Variants in SPATA7 observed in about 807,000 individuals in gnomAD.
SPATA7 encodes the protein spermatogenesis associated 7, also known as spermatogenesis-associated protein 7.
A neutral mutation model predicts 51.8 loss-of-function variants in SPATA7; 43 were observed. The observed-to-expected ratio is 0.83, with a 90% confidence interval of 0.65 to 1.07. SPATA7 has a LOEUF of 1.07. Among genes scored for constraint, SPATA7 ranks in the 50% least tolerant of loss-of-function variants. The probability of loss-of-function intolerance (pLI) is 0.00; values close to 1 mark genes in which losing one functional copy is unlikely to be tolerated. For missense variants in SPATA7, 683 were observed against 701.3 expected, an observed-to-expected ratio of 0.97 and a Z score of 0.30; for synonymous variants, 230 against 252.8, an observed-to-expected ratio of 0.91 and a Z score of 0.86.
At position 88,426,582 on chromosome 14, in the gene SPATA7, T is replaced by G; in HGVS notation, c.723T>G (p.Thr241=). 6.2e-7 allele frequency: 1 copy of G among 1,614,120 alleles called. No homozygotes were observed. The highest frequency in any genetic ancestry group is 8.5e-7 in the Non-Finnish European group (1 of 1,179,986). The change falls in exon 6 of 12, where the codon ACT becomes ACG. Residue 241 remains threonine, a synonymous_variant. Transcript: ENST00000393545. ...ELFSNKQLPF[T]PRTLKTEAKS... ...TTTCTAACAAACAATTGCCATTCAC[T>G]CCTCGCACTTTAAAAACAGAAGCAA...
chr14:88,402,988 A>G (rs1297828240), intron 4 of SPATA7, among the ~76,000 whole-genome samples: 1 of 147,520 alleles, frequency 6.8e-6, no homozygotes, highest in African/African-American at 2.4e-5. Context: ...AAAAAACCCA[A>G]AACCTTGCTA....
chr14:88,414,892 CT>C (rs1047165585), intron 4 of SPATA7, among the ~76,000 whole-genome samples: 3 of 151,844 alleles, frequency 2.0e-5, no homozygotes, highest in African/African-American at 7.3e-5. Context: ...TGATTTCTAC[CT>C]TTTTTTCCAC....
chr14:88,403,641 C>CG (rs1334974854), intron 4 of SPATA7, among the ~76,000 whole-genome samples: 2 of 152,082 alleles, frequency 1.3e-5, no homozygotes, highest in Non-Finnish European at 2.9e-5. Context: ...AGTGAGATCA[C>CG]GTGGTACTTG....
rs549576615 is a variant in SPATA7 at position 88,447,164 on chromosome 14, G to A, written c.178-7896G>A. Among the ~76,000 whole-genome samples, 1,463 of 149,320 alleles carry A rather than the reference G, an allele frequency of 9.8e-3. 21 individuals are homozygous for A. Among genetic ancestry groups the A allele is most frequent in the African/African-American group, 0.035 (1,417 of 39,920 alleles). On this transcript the variant is annotated intron_variant, in intron 3 of 3. Coordinates refer to the SPATA7 transcript ENST00000554802. ...CAGGACTTGCTTTATGAATCTGGGT[G>A]CTCCTGTATTGGGTGCATATATATT...
intron 7 of SPATA7, chr14:88,428,459 A>G (rs997326380): frequency 6.6e-6 from 1 of 152,190 alleles, no homozygotes; most frequent in East Asian, 1.9e-4. Context: ...GCTGTTTGAC[A>G]TAGGGCCCTG....
chr14:88,446,085 G>A lies in SPATA7; in HGVS notation c.177+8182G>A, dbSNP rs564519050. On this transcript the variant is annotated intron_variant, in intron 3 of 3. Transcript: ENST00000554802. Reference sequence around the variant, plus strand: ...GGTACCAGTTCCTCCTTGTACCTCTGGTAGAATTCGGCTGTGAATCCATCT... The same window carrying A: ...GGTACCAGTTCCTCCTTGTACCTCTAGTAGAATTCGGCTGTGAATCCATCT... 5.1e-4 allele frequency among the ~76,000 whole-genome samples: 78 copies of A among 152,290 alleles called. 1 individual carries two copies. In the East Asian group the frequency reaches 8.3e-3, roughly 16 times the overall value.
intron 3 of SPATA7, among the ~76,000 whole-genome samples, chr14:88,446,437 C>T (rs1019425897): frequency 2.0e-5 from 3 of 152,078 alleles, no homozygotes; most frequent in Admixed American, 6.5e-5. Context: ...AAAACCAGCT[C>T]CTGGATTAAT....
At chr14:88,428,366 A>G (rs1316433084) in intron 7 of SPATA7, 1 of 152,146 alleles carries the variant, frequency 6.6e-6, no homozygotes, top group Non-Finnish European at 1.5e-5. Context: ...GAGATAGAAG[A>G]ATAAAATATA....
chr14:88,411,247 A>G (rs946137494), intron 4 of SPATA7, among the ~76,000 whole-genome samples: 1 of 152,126 alleles, frequency 6.6e-6, no homozygotes, highest in Non-Finnish European at 1.5e-5. Flanking sequence ...TCCCAGGTCA[A>G]CTTCAGACTG....
intron 10 of SPATA7, among the ~76,000 whole-genome samples, chr14:88,435,385 G>A (rs542873207): frequency 1.4e-4 from 21 of 152,174 alleles, no homozygotes; most frequent in African/African-American, 4.8e-4. Flanking sequence ...AGAACGTCAC[G>A]GAGAGTGGGG....
Position 88,467,384 on chromosome 14 carries a change from TTC to T in SPATA7, c.255-2459_255-2458del, listed in dbSNP as rs2077381062. 2.0e-5 allele frequency: 3 copies of T among 152,360 alleles called. No individual in the cohort carries two copies. The South Asian group carries it at 6.2e-4, about 32-fold the overall frequency. 9.4% of individuals were successfully genotyped at this position (152,360 alleles called of 1,614,324 possible). A position where few individuals can be genotyped will look rare whatever the true frequency, so the allele number is the denominator to read the frequency against. On this transcript the variant is annotated intron_variant, in intron 4 of 4. Transcript: ENST00000556406. ...AATAATACTGAAAAAATAATGCTTA[TTC>T]TCTTACATTTTAAATAATGTGCCTT...
At chr14:88,431,253 G>A in intron 9 of SPATA7, 28 bp downstream of exon 9, 1 of 1,588,454 alleles carries the variant, frequency 6.3e-7, no homozygotes, top group South Asian at 1.1e-5. Context: ...TCTTCGTTTT[G>A]CATAGTGGAA....
rs1217312799 is a variant in SPATA7, at chr14:88,422,864, TTGATAATTGAATGG to T, written c.373-3367_373-3354del. On this transcript the variant is annotated intron_variant, in intron 5 of 11. Coordinates refer to ENST00000393545, the MANE Select transcript of SPATA7 (RefSeq NM_018418.5). Reference sequence around the variant, plus strand: ...AGAGCCTTATTTTGGGTAGTATATTTTGATAATTGAATGGGTGTTATGGTTAACAGACACCTGTT... The same window carrying T: ...AGAGCCTTATTTTGGGTAGTATATTTGTGTTATGGTTAACAGACACCTGTT... Among the ~76,000 whole-genome samples, 4 of 152,248 alleles carry T rather than the reference TTGATAATTGAATGG, an allele frequency of 2.6e-5. No homozygotes were observed. The East Asian group carries it at 5.8e-4, about 22-fold the overall frequency.
intron 5 of SPATA7, among the ~76,000 whole-genome samples, chr14:88,421,480 A>C (rs190616574): frequency 3.0e-4 from 45 of 152,288 alleles, no homozygotes; most frequent in South Asian, 1.7e-3. Flanking sequence ...AAATGCTGGG[A>C]GCCATAGACC....
downstream of SPATA7, among the ~76,000 whole-genome samples, chr14:88,439,042 T>G (rs1387814999): frequency 6.6e-6 from 1 of 152,220 alleles, no homozygotes; most frequent in Non-Finnish European, 1.5e-5. Flanking sequence ...TCTGAGGACC[T>G]GCTGGCCACA....
chr14:88,395,150 C>T (rs372203468), intron 3 of SPATA7, among the ~76,000 whole-genome samples: 3 of 151,706 alleles, frequency 2.0e-5, no homozygotes, highest in East Asian at 3.9e-4. Flanking sequence ...TACCATATAC[C>T]CTGTACTCTG....
chr14:88,411,727 G>A (rs546111387), intron 4 of SPATA7, among the ~76,000 whole-genome samples: 85 of 152,194 alleles, frequency 5.6e-4, no homozygotes, highest in African/African-American at 1.8e-3. Context: ...TCCTGTATAT[G>A]TACCACATTT....
At chr14:88,419,771 T>A (rs113683896) in intron 5 of SPATA7, among the ~76,000 whole-genome samples, 2 of 152,100 alleles carry the variant, frequency 1.3e-5, no homozygotes, top group South Asian at 4.2e-4. Context: ...GTGATCTGCC[T>A]GCCTCGGCCT....
intron 3 of SPATA7, among the ~76,000 whole-genome samples, chr14:88,393,983 C>T (rs973755896): frequency 9.2e-5 from 14 of 152,072 alleles, no homozygotes; most frequent in East Asian, 1.9e-4. Flanking sequence ...CTAACTACAC[C>T]GTTCAGGCCA....
Sources: gnomAD v4.1 joint callset for allele counts (sites outside exome capture counted in the v4.1 genomes callset) on GRCh38, gnomAD v4.1.1 for gene constraint, MANE v1.5 for transcripts, NCBI Gene and HGNC (gene_info 2026-07-23, HGNC 2026-07-21) for gene names.